Variants in SORCS1 observed in about 807,000 individuals in gnomAD.
The protein encoded by SORCS1 is sortilin related VPS10 domain containing receptor 1, also known as VPS10 domain-containing receptor SorCS1.
A neutral mutation model predicts 146.1 loss-of-function variants in SORCS1; 60 were observed. The ratio of observed to expected loss-of-function variants is 0.41; its 90% CI spans 0.33 to 0.51. The LOEUF (loss-of-function observed/expected upper bound fraction) is 0.51. SORCS1 is among the 20% of genes least tolerant of loss of function. The pLI, the probability that SORCS1 is intolerant of heterozygous loss-of-function variation, is 0.21. For missense variants in SORCS1, 1,352 were observed against 1,487.6 expected, an observed-to-expected ratio of 0.91 and a Z score of 1.50; for synonymous variants, 637 against 584.0, an observed-to-expected ratio of 1.09 and a Z score of -1.31.
At chr10:106,623,334 C>T (rs1263969253) in intron 19 of SORCS1, among the ~76,000 whole-genome samples, 2 of 151,288 alleles carry the variant, frequency 1.3e-5, no homozygotes, top group East Asian at 2.0e-4. Context: ...CCTCTGCCTC[C>T]CAGGTTCAAG....
chr10:106,909,481 G>T (rs1952049421), intron 2 of SORCS1, among the ~76,000 whole-genome samples: 1 of 152,080 alleles, frequency 6.6e-6, no homozygotes, highest in Admixed American at 6.6e-5. Context: ...GGGATTCTTT[G>T]CCCCCAGACC....
intron 3 of SORCS1, among the ~76,000 whole-genome samples, chr10:106,782,051 A>G (rs1383817955): frequency 6.6e-6 from 1 of 152,206 alleles, no homozygotes; most frequent in Non-Finnish European, 1.5e-5. Flanking sequence ...CCTATGTGCC[A>G]TCTTTGTTTA....
At chr10:107,019,285 G>A (rs868360469) in intron 1 of SORCS1, among the ~76,000 whole-genome samples, 3 of 152,194 alleles carry the variant, frequency 2.0e-5, no homozygotes, top group East Asian at 3.9e-4. Context: ...AATATTAGAC[G>A]ATCATGCAGT....
chr10:106,785,043 A>G (rs1945991410), intron 3 of SORCS1, among the ~76,000 whole-genome samples: 1 of 152,108 alleles, frequency 6.6e-6, no homozygotes, highest in African/African-American at 2.4e-5. Flanking sequence ...TCATCATCCT[A>G]ATGAAGGAGT....
At chr10:106,714,156 A>C (rs957797790) in intron 6 of SORCS1, among the ~76,000 whole-genome samples, 18 of 150,516 alleles carry the variant, frequency 1.2e-4, no homozygotes, top group African/African-American at 4.4e-4. Context: ...AAAAAAAAAA[A>C]AAAAAAAGAT....
At chr10:106,779,561 T>G (rs1860735030) in intron 3 of SORCS1, among the ~76,000 whole-genome samples, 2 of 151,000 alleles carry the variant, frequency 1.3e-5, no homozygotes, top group South Asian at 4.2e-4. Context: ...TTTTTTTTTT[T>G]TTTTTTGAGA....
chr10:106,740,086 G>C (rs1589777412), intron 5 of SORCS1, among the ~76,000 whole-genome samples: 1 of 152,074 alleles, frequency 6.6e-6, no homozygotes, highest in African/African-American at 2.4e-5. Flanking sequence ...CATCAAGCAA[G>C]GGGGGGAAAT....
At chr10:106,821,779 A>G (rs1856004) in intron 3 of SORCS1, among the ~76,000 whole-genome samples, 30,971 of 151,814 alleles carry the variant, frequency 0.2, 5,365 homozygotes, top group African/African-American at 0.47. Flanking sequence ...AAAATTAGCC[A>G]GGCGTGTTGG....
At position 107,033,823 on chromosome 10, in the gene SORCS1, T is replaced by C. The variant is rs547638519; in HGVS notation, c.559-77243A>G. ...TTCTCTTATTTTCAGAATTCTGCCA[T>C]CTCTAGTACAAGTAAGTGGGTTTCT... On this transcript the variant is annotated intron_variant, in intron 1 of 25. Transcript: ENST00000263054. 5.9e-5 allele frequency among the ~76,000 whole-genome samples: 9 copies of C among 152,316 alleles called. No homozygotes were observed. In the South Asian group the frequency reaches 1.9e-3, roughly 32 times the overall value.
At chr10:106,579,961 T>C (rs1264714475) in intron 24 of SORCS1, among the ~76,000 whole-genome samples, 1 of 151,682 alleles carries the variant, frequency 6.6e-6, no homozygotes, top group African/African-American at 2.4e-5. Flanking sequence ...AATATAATAA[T>C]TATATTTTAT....
chr10:106,844,132 TATTAGTG>T, intron 2 of SORCS1, among the ~76,000 whole-genome samples: 1 of 152,362 alleles, frequency 6.6e-6, no homozygotes, highest in South Asian at 2.1e-4. Context: ...ATTTCCCTGA[TATTAGTG>T]ATGTTGAACA....
At chr10:107,138,424 C>T (rs1382514807) in intron 1 of SORCS1, among the ~76,000 whole-genome samples, 1 of 152,192 alleles carries the variant, frequency 6.6e-6, no homozygotes, top group Non-Finnish European at 1.5e-5. Context: ...CCTTTTCATA[C>T]ACAGTTTTTC....
intron 5 of SORCS1, among the ~76,000 whole-genome samples, chr10:106,731,974 GAAGT>G (rs200729448): frequency 0.017 from 2,573 of 152,242 alleles, 38 homozygotes; most frequent in Non-Finnish European, 0.025. Context: ...CGGGTTTTCT[GAAGT>G]AAGTACATTA....
intron 17 of SORCS1, among the ~76,000 whole-genome samples, chr10:106,654,123 GCTTA>G (rs1342281926): frequency 2.0e-5 from 3 of 152,150 alleles, no homozygotes; most frequent in Non-Finnish European, 4.4e-5. Flanking sequence ...TTAAGGTACA[GCTTA>G]CTTCTTGTCT....
chr10:106,699,133 C>A, intron 9 of SORCS1, 81 bp downstream of exon 9: 2 of 1,283,946 alleles, frequency 1.6e-6, no homozygotes, highest in South Asian at 1.7e-5. Context: ...TTAAAATGAC[C>A]AGGAAAAGAG....
chr10:107,057,299 A>G (rs902058972), intron 1 of SORCS1, among the ~76,000 whole-genome samples: 1 of 152,178 alleles, frequency 6.6e-6, no homozygotes, highest in African/African-American at 2.4e-5. Context: ...AATTCAGCAA[A>G]TGTATTATTT....
In SORCS1 at chr10:106,706,923, T is replaced by C. The variant is rs570856018; in HGVS notation, c.1144-289A>G. Among the ~76,000 whole-genome samples, 14 of 152,308 alleles carry C rather than the reference T, an allele frequency of 9.2e-5. No individual in the cohort carries two copies. In the East Asian group the frequency reaches 2.3e-3, roughly 25 times the overall value. On this transcript the variant is annotated intron_variant, in intron 7 of 25. Coordinates refer to ENST00000263054, the MANE Select transcript of SORCS1 (RefSeq NM_052918.5). ...AGTTATTTTTTTCAAATGGGGTACA[T>C]TGGCTGATTGCCATCACCAGCCCAG...
intron 3 of SORCS1, among the ~76,000 whole-genome samples, chr10:106,782,634 A>T (rs77999499): frequency 0.01 from 1,574 of 152,310 alleles, 25 homozygotes; most frequent in African/African-American, 0.035. Flanking sequence ...GATGATTCAA[A>T]AAAGAAAACG....
At chr10:106,737,928 C>T (rs1277224074) in intron 5 of SORCS1, among the ~76,000 whole-genome samples, 1 of 152,090 alleles carries the variant, frequency 6.6e-6, no homozygotes, top group Non-Finnish European at 1.5e-5. Context: ...GTATCATACC[C>T]TGCATATTTT....
Sources: allele counts gnomAD v4.1 joint callset (sites outside exome capture counted in the v4.1 genomes callset), GRCh38; gene constraint gnomAD v4.1.1; transcripts MANE v1.5; gene names NCBI Gene and HGNC (gene_info 2026-07-23, HGNC 2026-07-21).